The following ADARB2 variants were observed in gnomAD, a reference collection of about 807,000 sequenced individuals.
ADARB2 encodes the protein adenosine deaminase RNA specific B2 (inactive), also known as inactive double-stranded RNA-specific editase B2.
Under a neutral mutation model 62.2 loss-of-function variants are expected in ADARB2, and 25 were observed. The observed-to-expected ratio is 0.40, with a 90% CI of 0.29 to 0.56. The LOEUF (loss-of-function observed/expected upper bound fraction) is 0.56, where lower values mean the gene tolerates loss of function less well. Among genes scored for constraint, ADARB2 ranks in the 20% least tolerant of loss-of-function variants. ADARB2 has a pLI of 0.43. For missense variants in ADARB2, 1,071 were observed against 1,077.4 expected, an observed-to-expected ratio of 0.99 and a Z score of 0.08; for synonymous variants, 572 against 500.8, an observed-to-expected ratio of 1.14 and a Z score of -1.90.
chr10:1,446,920 G>A (rs2131899135), intron 1 of ADARB2, among the ~76,000 whole-genome samples: 1 of 152,270 alleles, frequency 6.6e-6, no homozygotes, highest in South Asian at 2.1e-4. Context: ...CAATTGTCAA[G>A]GGTTTATTTC....
At chr10:1,573,844 G>A (rs1023191561) in intron 1 of ADARB2, among the ~76,000 whole-genome samples, 14 of 152,294 alleles carry the variant, frequency 9.2e-5, no homozygotes, top group South Asian at 2.1e-4. Flanking sequence ...CAGTGAGCCC[G>A]CTGCAGCCAG....
At chr10:1,483,379 G>A (rs1011023867) in intron 1 of ADARB2, among the ~76,000 whole-genome samples, 3 of 152,146 alleles carry the variant, frequency 2.0e-5, no homozygotes, top group African/African-American at 7.2e-5. Flanking sequence ...CTGTTCTAAC[G>A]GTGTAAGAAG....
intron 4 of ADARB2, among the ~76,000 whole-genome samples, chr10:1,257,776 A>G (rs1831093453): frequency 6.6e-6 from 1 of 152,266 alleles, no homozygotes; most frequent in South Asian, 2.1e-4. Context: ...GAACAGCACC[A>G]AAGGTTCCTC....
chr10:1,446,193 T>G (rs1252453893), intron 1 of ADARB2, among the ~76,000 whole-genome samples: 1 of 152,206 alleles, frequency 6.6e-6, no homozygotes, highest in Non-Finnish European at 1.5e-5. Context: ...GGGCAAGTCA[T>G]TTAGTCTTTC....
rs111792677 is a variant in ADARB2, at chr10:1,474,809, G to A, written c.101-95649C>T. On this transcript the variant is annotated intron_variant, in intron 1 of 9. Coordinates refer to ENST00000381312, the MANE Select transcript of ADARB2 (RefSeq NM_018702.4). ...ACGTGTGCAAAGTCGGGATGGAAAC[G>A]CCTGTGTAAGAGTGCTGAGCAGGAC... 2.3e-3 allele frequency among the ~76,000 whole-genome samples: 346 copies of A among 152,318 alleles called. 2 individuals carry two copies. The highest frequency in any genetic ancestry group is 7.2e-3 in the African/African-American group (299 of 41,580).
At position 1,233,760 on chromosome 10, in the gene ADARB2, G is replaced by A. The variant is rs763082042; in HGVS notation, c.1447C>T (p.Leu483Phe). The change falls in exon 6 of 10, where the codon CTC becomes TTC. Residue 483 changes from leucine to phenylalanine, a missense_variant. Leu to Phe is a conservative substitution (Grantham distance 22). Coordinates refer to ENST00000381312, the MANE Select transcript of ADARB2 (RefSeq NM_018702.4). ...CCACAGGGGGAGGTGCTCACGTAGA[G>A]ATGGAAGAGGATGTTCTCTCGCAGC... ...YRLRENILFH[L>F]YVSTSPCGDA... The A allele has an allele frequency of 1.2e-6, 2 of 1,613,998 alleles. No individual in the cohort carries two copies. Among genetic ancestry groups the A allele is most frequent in the South Asian group, 2.2e-5 (2 of 91,056 alleles).
At chr10:1,698,856 T>TTCTGCC (rs1834783140) in intron 1 of ADARB2, among the ~76,000 whole-genome samples, 1 of 152,186 alleles carries the variant, frequency 6.6e-6, no homozygotes, top group Non-Finnish European at 1.5e-5. Flanking sequence ...GCCTCCCAAG[T>TTCTGCC]TCAAGCAGTT....
intron 3 of ADARB2, among the ~76,000 whole-genome samples, chr10:1,277,455 A>T (rs1422258922): frequency 6.6e-5 from 10 of 152,244 alleles, no homozygotes; most frequent in Middle Eastern, 3.2e-3. Flanking sequence ...ACAAACTACC[A>T]TTAGAGAATA....
intron 1 of ADARB2, among the ~76,000 whole-genome samples, chr10:1,585,413 G>A (rs777157707): frequency 7.9e-5 from 12 of 152,254 alleles, no homozygotes; most frequent in South Asian, 2.1e-4. Flanking sequence ...TGCTTCCCTC[G>A]TGATTTGCCC....
intron 1 of ADARB2, among the ~76,000 whole-genome samples, chr10:1,411,753 C>T (rs934114264): frequency 3.9e-5 from 6 of 152,292 alleles, no homozygotes; most frequent in South Asian, 2.1e-4. Flanking sequence ...CTTCCTGAAA[C>T]GCCATTTACG....
intron 1 of ADARB2, among the ~76,000 whole-genome samples, chr10:1,486,210 C>CTGTGTG (rs61283089): frequency 0.087 from 12,481 of 142,854 alleles, 680 homozygotes; most frequent in African/African-American, 0.15. Context: ...GTGTGGACGC[C>CTGTGTG]TGTGTGTGTG....
Position 1,488,466 on chromosome 10 carries a change from G to A in ADARB2, c.101-109306C>T, listed in dbSNP as rs1809838958. On this transcript the variant is annotated intron_variant, in intron 1 of 9. Transcript: ENST00000381312. ...AGTGACCTTCAGGGAGGGCATTACT[G>A]AATTGGTGTGAAAATAGACAAGTGG... Among the ~76,000 whole-genome samples the A allele has an allele frequency of 3.3e-5, 5 of 152,164 alleles. No homozygotes were observed. In the South Asian group the frequency reaches 1.0e-3, roughly 32 times the overall value.
At chr10:1,708,760 A>G (rs1834919999) in intron 1 of ADARB2, among the ~76,000 whole-genome samples, 1 of 152,220 alleles carries the variant, frequency 6.6e-6, no homozygotes, top group Non-Finnish European at 1.5e-5. Flanking sequence ...GAGGATGTAC[A>G]CACAGAAGCA....
intron 3 of ADARB2, among the ~76,000 whole-genome samples, chr10:1,311,822 T>C (rs1831694880): frequency 6.6e-6 from 1 of 152,192 alleles, no homozygotes; most frequent in Non-Finnish European, 1.5e-5. Flanking sequence ...CTTAGTTAAA[T>C]GAAGCTCTTT....
intron 1 of ADARB2, among the ~76,000 whole-genome samples, chr10:1,449,160 C>T (rs1394150726): frequency 6.6e-6 from 1 of 152,206 alleles, no homozygotes; most frequent in South Asian, 2.1e-4. Context: ...ACCCCCACTC[C>T]TTTTCTTTAT....
chr10:1,322,685 A>G (rs923225967), intron 3 of ADARB2, among the ~76,000 whole-genome samples: 1 of 152,198 alleles, frequency 6.6e-6, no homozygotes, highest in African/African-American at 2.4e-5. Flanking sequence ...GTAATACAAT[A>G]TTATCTTCTA....
chr10:1,609,339 C>G (rs912916368), intron 1 of ADARB2, among the ~76,000 whole-genome samples: 2 of 152,228 alleles, frequency 1.3e-5, no homozygotes, highest in African/African-American at 4.8e-5. Flanking sequence ...CTGGTCACAG[C>G]GGGTTTGTCT....
At chr10:1,399,718 G>A (rs1282568650) in intron 1 of ADARB2, among the ~76,000 whole-genome samples, 1 of 152,184 alleles carries the variant, frequency 6.6e-6, no homozygotes, top group Non-Finnish European at 1.5e-5. Flanking sequence ...TTTGAAGGAT[G>A]TACCAGCTTG....
chr10:1,268,271 TGA>T (rs1394772713), intron 4 of ADARB2, among the ~76,000 whole-genome samples: 1 of 150,848 alleles, frequency 6.6e-6, no homozygotes, highest in African/African-American at 2.4e-5. Flanking sequence ...TGAAGGGGAG[TGA>T]GGGGTGGAGT....
Sources: gnomAD v4.1 joint callset for allele counts (sites outside exome capture counted in the v4.1 genomes callset) on GRCh38, gnomAD v4.1.1 for gene constraint, MANE v1.5 for transcripts, NCBI Gene and HGNC (gene_info 2026-07-23, HGNC 2026-07-21) for gene names.